SLIT2: variants seen among roughly 807,000 people sequenced by gnomAD.
SLIT2 encodes slit guidance ligand 2, also known as slit homolog 2 protein.
A neutral mutation model predicts 185.7 loss-of-function variants in SLIT2; 41 were observed. The observed-to-expected ratio is 0.22, with a 90% CI of 0.17 to 0.29. The LOEUF is 0.29. SLIT2 is among the 10% of genes least tolerant of loss of function. The probability of loss-of-function intolerance (pLI) is 1.00; values close to 1 mark genes in which losing one functional copy is unlikely to be tolerated. For synonymous variants in SLIT2, 693 were observed against 680.2 expected (o/e 1.02, Z -0.29); for missense variants, 1,571 against 1,909.0 (o/e 0.82, Z 3.30).
intron 4 of SLIT2, among the ~76,000 whole-genome samples, chr4:20,274,332 T>A (rs1223038552): frequency 2.0e-5 from 3 of 152,224 alleles, no homozygotes; most frequent in East Asian, 1.9e-4. Context: ...TTTAAAAAAA[T>A]TACCACTATT....
chr4:20,521,022 A>G (rs1720792118), intron 12 of SLIT2, among the ~76,000 whole-genome samples: 1 of 152,198 alleles, frequency 6.6e-6, no homozygotes, highest in South Asian at 2.1e-4. Flanking sequence ...GTAACCAAGT[A>G]TTGCCTACTT....
intron 6 of SLIT2, among the ~76,000 whole-genome samples, chr4:20,485,202 A>G (rs1038573830): frequency 6.6e-6 from 1 of 152,036 alleles, no homozygotes; most frequent in African/African-American, 2.4e-5. Flanking sequence ...TATCACAACC[A>G]GATTTTTCTG....
At chr4:20,427,156 T>A (rs1317613427) in intron 4 of SLIT2, among the ~76,000 whole-genome samples, 1 of 152,208 alleles carries the variant, frequency 6.6e-6, no homozygotes, top group Non-Finnish European at 1.5e-5. Context: ...AGATTTTCCC[T>A]GAGAATCCAC....
intron 4 of SLIT2, among the ~76,000 whole-genome samples, chr4:20,462,499 G>A (rs974161754): frequency 2.6e-5 from 4 of 152,114 alleles, no homozygotes; most frequent in African/African-American, 9.7e-5. Context: ...TTCTCCCTGA[G>A]ATGACCCCAT....
chr4:20,360,394 C>G (rs527400557), intron 4 of SLIT2, among the ~76,000 whole-genome samples: 167 of 152,146 alleles, frequency 1.1e-3, no homozygotes, highest in South Asian at 2.1e-3. Context: ...TCATTTCATC[C>G]TAGACAAATG....
At position 20,306,231 on chromosome 4, in the gene SLIT2, A is replaced by G. The variant is rs146485321; in HGVS notation, c.395+37350A>G. On this transcript the variant is annotated intron_variant, in intron 4 of 36. Transcript: ENST00000504154. ...AAAGGGGACTGGTCAGTGGAGAAGG[A>G]TGCTGGCATCTCTGAAGAAATGTTT... Among the ~76,000 whole-genome samples the G allele has an allele frequency of 5.3e-5, 8 of 152,274 alleles. No individual in the cohort carries two copies. The East Asian group carries it at 1.4e-3, about 26-fold the overall frequency.
intron 29 of SLIT2, among the ~76,000 whole-genome samples, chr4:20,579,708 G>C (rs1726375816): frequency 6.6e-6 from 1 of 151,806 alleles, no homozygotes; most frequent in African/African-American, 2.4e-5. Context: ...ACCTCACTCT[G>C]AGAGAGTACA....
At chr4:20,305,868 C>T (rs1449012739) in intron 4 of SLIT2, among the ~76,000 whole-genome samples, 1 of 117,214 alleles carries the variant, frequency 8.5e-6, no homozygotes, top group African/African-American at 3.4e-5. Context: ...GTGAGACTGT[C>T]TCAAAATAAT....
intron 4 of SLIT2, among the ~76,000 whole-genome samples, chr4:20,443,992 G>A (rs762049555): frequency 9.9e-5 from 15 of 152,124 alleles, no homozygotes; most frequent in Admixed American, 2.0e-4. Context: ...AAAGAAATAC[G>A]AGTTAAACAA....
At chr4:20,392,953 TAG>T (rs1725550973) in intron 4 of SLIT2, among the ~76,000 whole-genome samples, 2 of 152,072 alleles carry the variant, frequency 1.3e-5, no homozygotes, top group South Asian at 4.1e-4. Context: ...TAATGATAAA[TAG>T]TATAGTATAG....
rs114142527 is a variant in SLIT2 at position 20,357,869 on chromosome 4, A to G, written c.395+88988A>G. 2.5e-3 allele frequency among the ~76,000 whole-genome samples: 388 copies of G among 152,228 alleles called. 2 individuals carry two copies. The highest frequency in any genetic ancestry group is 9.1e-3 in the African/African-American group (377 of 41,566). On this transcript the variant is annotated intron_variant, in intron 4 of 36. Coordinates refer to ENST00000504154, the MANE Select transcript of SLIT2 (RefSeq NM_004787.4). ...TGCTAGCCCTTTATTGGTAGATTAC[A>G]TAGACTACATTGGTTATTAGATTTT...
In SLIT2 at chr4:20,560,533, A is replaced by C. The variant is rs565451108; in HGVS notation, c.2725+6565A>C. Among the ~76,000 whole-genome samples, 11 of 152,020 alleles carry C rather than the reference A, an allele frequency of 7.2e-5. No homozygotes were observed. In the East Asian group the frequency reaches 1.9e-3, roughly 27 times the overall value. ...GTCCTGACCTCATCTTTTAAATATAAGATGACGTTAGAGTGATTAAGCAGT... is the reference window on the plus strand; with the variant it reads ...GTCCTGACCTCATCTTTTAAATATACGATGACGTTAGAGTGATTAAGCAGT... On this transcript the variant is annotated intron_variant, in intron 26 of 36. Transcript: ENST00000504154.
chr4:20,256,500 TGA>T (rs1015386085), intron 1 of SLIT2, among the ~76,000 whole-genome samples, 170 bp from the exon 2 acceptor site: 18 of 152,208 alleles, frequency 1.2e-4, no homozygotes, highest in African/African-American at 3.9e-4. Flanking sequence ...GTAAATGTGT[TGA>T]GTCATGTTAA....
At position 20,354,830 on chromosome 4, in the gene SLIT2, T is replaced by C. The variant is rs1248530850; in HGVS notation, c.395+85949T>C. Reference sequence around the variant, plus strand: ...ATGATAACAGAATTAATACAATTACTTTGAGAATTTTGAAGAAAAAACTTT... The same window carrying C: ...ATGATAACAGAATTAATACAATTACCTTGAGAATTTTGAAGAAAAAACTTT... On this transcript the variant is annotated intron_variant, in intron 4 of 36. Coordinates refer to ENST00000504154, the MANE Select transcript of SLIT2 (RefSeq NM_004787.4). Among the ~76,000 whole-genome samples the C allele has an allele frequency of 3.3e-5, 5 of 151,088 alleles. No homozygotes were observed. In the East Asian group the frequency reaches 9.8e-4, roughly 29 times the overall value.
chr4:20,408,610 T>C (rs2109420763), intron 4 of SLIT2, among the ~76,000 whole-genome samples: 1 of 152,160 alleles, frequency 6.6e-6, no homozygotes, highest in East Asian at 1.9e-4. Context: ...TTTTACCTCC[T>C]TCTAGCGCTA....
intron 5 of SLIT2, among the ~76,000 whole-genome samples, chr4:20,478,579 A>G (rs1379362606): frequency 6.6e-6 from 1 of 152,236 alleles, no homozygotes; most frequent in Non-Finnish European, 1.5e-5. Flanking sequence ...AAGCTGTGTC[A>G]GCATTGATTT....
intron 4 of SLIT2, among the ~76,000 whole-genome samples, chr4:20,447,142 T>C (rs1474635320): frequency 1.3e-5 from 2 of 152,190 alleles, no homozygotes; most frequent in African/African-American, 4.8e-5. Context: ...ACATCAACCC[T>C]CTTCCTTGTT....
intron 9 of SLIT2, among the ~76,000 whole-genome samples, chr4:20,507,644 A>G (rs1038991374): frequency 6.6e-6 from 1 of 151,672 alleles, no homozygotes; most frequent in African/African-American, 2.4e-5. Context: ...CAGAGTAGAC[A>G]TTAAATATTT....
rs1264467736 is a variant in SLIT2, at chr4:20,255,295, C to G, written c.179+1301C>G. On this transcript the variant is annotated intron_variant, in intron 1 of 36. Coordinates refer to ENST00000504154, the MANE Select transcript of SLIT2 (RefSeq NM_004787.4). ...CTTCTTATCCAACCCATTTCTCTCG[C>G]CCTTAGTTTTAAGGCCCAAGTTGAG... is the stretch of plus-strand genomic sequence containing the variant. Among the ~76,000 whole-genome samples the G allele has an allele frequency of 2.0e-5, 3 of 152,224 alleles. No homozygotes were observed. The East Asian group carries it at 5.8e-4, about 29-fold the overall frequency.
Sources: allele counts gnomAD v4.1 joint callset (sites outside exome capture counted in the v4.1 genomes callset), GRCh38; gene constraint gnomAD v4.1.1; transcripts MANE v1.5; gene names NCBI Gene and HGNC (gene_info 2026-07-23, HGNC 2026-07-21).